The following KIF1B variants were observed in gnomAD, a reference collection of about 807,000 sequenced individuals.
The protein encoded by KIF1B is kinesin-like protein KIF1B.
A neutral mutation model predicts 241.9 loss-of-function variants in KIF1B; 76 were observed. The ratio of observed to expected loss-of-function variants is 0.31; its 90% CI spans 0.26 to 0.38. KIF1B has a LOEUF of 0.38. Ranked by LOEUF, KIF1B falls within the 10% of genes least tolerant of loss-of-function variation. The pLI, the probability that KIF1B is intolerant of heterozygous loss-of-function variation, is 1.00. For missense variants in KIF1B, 1,622 were observed against 2,271.4 expected (o/e 0.71, Z 5.81); for synonymous variants, 750 against 796.7 (o/e 0.94, Z 0.99).
chr1:10,296,513 C>A, intron 19 of KIF1B, 69 bp from the exon 20 acceptor site: 1 of 1,289,850 alleles, frequency 7.8e-7, no homozygotes, highest in Non-Finnish European at 1.1e-6. Context: ...TCCTGATAAG[C>A]AACTGCTTTC....
In KIF1B at chr1:10,369,437, T is replaced by C. The variant is rs571581367; in HGVS notation, c.4824+899T>C. Among the ~76,000 whole-genome samples the C allele has an allele frequency of 3.0e-4, 46 of 152,306 alleles. No individual in the cohort carries two copies. The South Asian group carries it at 9.5e-3, about 32-fold the overall frequency. On this transcript the variant is annotated intron_variant, in intron 44 of 48. Coordinates refer to ENST00000676179, the MANE Select transcript of KIF1B (RefSeq NM_001365951.3). Reference sequence around the variant, plus strand: ...TGAGGCCAATAGGTTGAGACCAGCCTGGGCAATATAGCACAAATACCCTAT... The same window carrying C: ...TGAGGCCAATAGGTTGAGACCAGCCCGGGCAATATAGCACAAATACCCTAT...
In KIF1B at chr1:10,279,111, G is replaced by T; in HGVS notation, c.1195G>T (p.Asp399Tyr). The T allele has an allele frequency of 1.3e-6, 2 of 1,546,706 alleles. No homozygotes were observed. Among genetic ancestry groups the T allele is most frequent in the South Asian group, 2.4e-5 (2 of 83,786 alleles). ...CTTACCTTCAGTTGATCCATTGATC[G>T]ATGATTACTCTGGAAGTGGAAGCAA... ...GDIIDIDPLI[D>Y]DYSGSGSKYL... The change falls in exon 14 of 49, where the codon GAT (aspartate) becomes TAT (tyrosine). Residue 399 changes from aspartate (D) to tyrosine (Y), a missense_variant. Coordinates refer to ENST00000676179, the MANE Select transcript of KIF1B (RefSeq NM_001365951.3).
chr1:10,365,059 ATT>A lies in KIF1B; in HGVS notation c.4367-34_4367-33del, dbSNP rs34161257. The A allele has an allele frequency of 5.0e-6, 8 of 1,592,648 alleles. No individual in the cohort carries two copies. In the South Asian group the frequency reaches 9.0e-5, roughly 18 times the overall value. ...CGTTTTGACCTAAACTTGGAATTGAATTTTTTTTCTGAAACAAAAACTTGTTT... is the reference window on the plus strand; with the variant it reads ...CGTTTTGACCTAAACTTGGAATTGAATTTTTTCTGAAACAAAAACTTGTTT... On this transcript the variant is annotated intron_variant, in intron 41 of 48. Transcript: ENST00000676179. The surrounding 1 kb of genome is among the most constrained non-coding windows in gnomAD (Gnocchi z 4.0).
Position 10,297,404 on chromosome 1 carries a change from G to A in KIF1B, c.2115+158G>A, listed in dbSNP as rs144802917. ...AATGGAGAATGAACTTAAATCTCCC[G>A]GTAGCCTTAGCCTGAAAAAATAGTC... On this transcript the variant is annotated intron_variant, in intron 22 of 48. Coordinates refer to ENST00000676179, the MANE Select transcript of KIF1B (RefSeq NM_001365951.3). 5.4e-3 allele frequency among the ~76,000 whole-genome samples: 828 copies of A among 152,150 alleles called. 7 individuals carry two copies. Among genetic ancestry groups the A allele is most frequent in the African/African-American group, 0.018 (764 of 41,496 alleles).
At chr1:10,246,775 TATGTCACCCCTTTGCAATCAGATC>T (rs1450002414) in intron 2 of KIF1B, among the ~76,000 whole-genome samples, 4 of 152,056 alleles carry the variant, frequency 2.6e-5, no homozygotes, top group Admixed American at 6.6e-5. Flanking sequence ...TAAATCAGAT[TATGTCACCCCTTTGCAATCAGATC>T]ATGTCACCCC....
At chr1:10,306,757 TAAAAA>T (rs745772393) in intron 22 of KIF1B, 281 of 566,432 alleles carry the variant, frequency 5.0e-4, no homozygotes, top group South Asian at 2.4e-3. Flanking sequence ...AACCTGTCTT[TAAAAA>T]AAAAAAAAAA....
chr1:10,268,362 G>C, intron 7 of KIF1B, 99 bp downstream of exon 7: 1 of 796,626 alleles, frequency 1.3e-6, no homozygotes, highest in Non-Finnish European at 2.2e-6. Context: ...TTGGGTGTTG[G>C]GGGGTGCTCT....
chr1:10,245,759 C>G (rs1343281146), intron 2 of KIF1B, among the ~76,000 whole-genome samples: 3 of 152,094 alleles, frequency 2.0e-5, no homozygotes, highest in Non-Finnish European at 4.4e-5. Context: ...CAGGAGATAG[C>G]CTGAACTCAT....
intron 24 of KIF1B, among the ~76,000 whole-genome samples, chr1:10,323,546 T>C (rs922281657): frequency 2.6e-5 from 4 of 152,080 alleles, no homozygotes; most frequent in African/African-American, 9.7e-5. Flanking sequence ...CACCTGAGCC[T>C]AGGAGGTGGA....
chr1:10,259,589 G>A (rs75719131), intron 4 of KIF1B, among the ~76,000 whole-genome samples: 11 of 150,124 alleles, frequency 7.3e-5, no homozygotes, highest in Non-Finnish European at 1.5e-4. Context: ...TGCAACCTCC[G>A]CCTCCTGGGT....
intron 41 of KIF1B, 38 bp downstream of exon 41, chr1:10,363,382 T>C (rs2102347595): frequency 6.6e-7 from 1 of 1,524,378 alleles, no homozygotes; most frequent in East Asian, 2.2e-5. Flanking sequence ...TAGTTATCTT[T>C]GTGTATGTTT....
chr1:10,256,297 G>T lies in KIF1B; in HGVS notation c.157G>T (p.Asp53Tyr). ...PKEAPKSFSF[D>Y]YSYWSHTSPE... ...GGAAGCTCCAAAGTCCTTCAGCTTCGACTATTCCTACTGGTCTCATACCTC... is the reference window on the plus strand; with the variant it reads ...GGAAGCTCCAAAGTCCTTCAGCTTCTACTATTCCTACTGGTCTCATACCTC... Residue 53 changes from aspartate (D) to tyrosine (Y), a missense_variant, in exon 3 of 49, where the codon GAC becomes TAC. Asp to Tyr is a radical substitution (Grantham distance 160). Transcript: ENST00000676179. The T allele has an allele frequency of 6.2e-7, 1 of 1,611,732 alleles. No homozygotes were observed. The highest frequency in any genetic ancestry group is 8.5e-7 in the Non-Finnish European group (1 of 1,177,874).
At chr1:10,252,365 GTTCT>G (rs1647501514) in intron 2 of KIF1B, among the ~76,000 whole-genome samples, 1 of 150,654 alleles carries the variant, frequency 6.6e-6, no homozygotes, top group African/African-American at 2.4e-5. Flanking sequence ...TAAATGAGAG[GTTCT>G]TTGTTTTTGT....
intron 1 of KIF1B, among the ~76,000 whole-genome samples, chr1:10,215,138 T>TTATATATA (rs1162229178): frequency 1.7e-3 from 103 of 59,556 alleles, no homozygotes; most frequent in South Asian, 4.5e-3. Context: ...TTTATATATT[T>TTATATATA]TATATATATA....
chr1:10,226,812 C>A (rs1361294569), intron 1 of KIF1B, among the ~76,000 whole-genome samples: 1 of 151,670 alleles, frequency 6.6e-6, no homozygotes, highest in Non-Finnish European at 1.5e-5. Flanking sequence ...ACTAAAAATA[C>A]AAAAAGCTAG....
In KIF1B at chr1:10,261,901, C is replaced by G. The variant is rs543454131; in HGVS notation, c.364-4C>G. The G allele has an allele frequency of 6.3e-7, 1 of 1,598,808 alleles. No individual in the cohort carries two copies. Among genetic ancestry groups the G allele is most frequent in the Non-Finnish European group, 8.6e-7 (1 of 1,166,100 alleles). ...TTCATGCCTCTCTCATTCTACTTCC[C>G]TAGTTATGTGAAGAACTTTTTGAGA... On this transcript the variant is annotated splice_region_variant and splice_polypyrimidine_tract_variant and intron_variant, in intron 4 of 48. Coordinates refer to ENST00000676179, the MANE Select transcript of KIF1B (RefSeq NM_001365951.3).
intron 27 of KIF1B, among the ~76,000 whole-genome samples, chr1:10,332,949 C>G (rs1652011012): frequency 1.3e-5 from 2 of 151,190 alleles, no homozygotes; most frequent in Admixed American, 1.3e-4. Context: ...GTAGCTAGGA[C>G]AACAGGTGCA....
At chr1:10,307,174 T>A (rs1033769208) in intron 22 of KIF1B, 2 of 1,030,660 alleles carry the variant, frequency 1.9e-6, no homozygotes, top group African/African-American at 1.7e-5. Context: ...TGTCCCATGA[T>A]GCATTTCTGA....
intron 14 of KIF1B, among the ~76,000 whole-genome samples, chr1:10,279,689 CTTTTTTTTT>C (rs34983973): frequency 8.0e-4 from 54 of 67,654 alleles, no homozygotes; most frequent in South Asian, 2.0e-3. Context: ...ACGTTTTTTC[CTTTTTTTTT>C]TTTTTTTTTT....
Sources: gnomAD v4.1 joint callset for allele counts (sites outside exome capture counted in the v4.1 genomes callset) on GRCh38, gnomAD v4.1.1 for gene constraint, Gnocchi (gnomAD v3.1) non-coding constraint, MANE v1.5 for transcripts, NCBI Gene and HGNC (gene_info 2026-07-23, HGNC 2026-07-21) for gene names.